Variants in NALF1 observed in about 807,000 individuals in gnomAD.
NALF1 encodes NALCN channel auxiliary factor 1, also known as family with sequence similarity 155 member A.
NALF1 carries 3 observed loss-of-function variants against 48.4 expected under a neutral mutation model. The ratio of observed to expected loss-of-function variants is 0.06; its 90% CI spans 0.03 to 0.16. The LOEUF is 0.16. NALF1 is among the 10% of genes least tolerant of loss of function. The probability of loss-of-function intolerance (pLI) is 1.00; values close to 1 mark genes in which losing one functional copy is unlikely to be tolerated. For missense variants in NALF1, 526 were observed against 571.5 expected, an observed-to-expected ratio of 0.92 and a Z score of 0.81; for synonymous variants, 262 against 245.7, an observed-to-expected ratio of 1.07 and a Z score of -0.62.
At chr13:107,862,085 G>C (rs972642585) in intron 1 of NALF1, among the ~76,000 whole-genome samples, 1 of 152,082 alleles carries the variant, frequency 6.6e-6, no homozygotes, top group African/African-American at 2.4e-5. Flanking sequence ...TATACTGAGA[G>C]AACTAAAGTA....
intron 1 of NALF1, among the ~76,000 whole-genome samples, chr13:107,540,886 G>C (rs767415755): frequency 6.6e-6 from 1 of 152,068 alleles, no homozygotes; most frequent in African/African-American, 2.4e-5. Flanking sequence ...AGTAGATTCT[G>C]CTTAAGAATC....
intron 1 of NALF1, among the ~76,000 whole-genome samples, chr13:107,560,791 C>G (rs1877623601): frequency 6.6e-6 from 1 of 152,168 alleles, no homozygotes; most frequent in Non-Finnish European, 1.5e-5. Context: ...TGTTAAGGCA[C>G]AGAAACCAAC....
intron 1 of NALF1, among the ~76,000 whole-genome samples, chr13:107,846,729 T>C (rs1880182771): frequency 6.6e-6 from 1 of 152,218 alleles, no homozygotes; most frequent in Admixed American, 6.5e-5. Flanking sequence ...TCCAGACTTC[T>C]ATTCATAAAA....
At chr13:107,618,271 A>ACT (rs1879432584) in intron 1 of NALF1, among the ~76,000 whole-genome samples, 9 of 152,228 alleles carry the variant, frequency 5.9e-5, no homozygotes, top group Admixed American at 5.9e-4. Context: ...GAAATTGCAA[A>ACT]CAGGAACTGT....
intron 2 of NALF1, among the ~76,000 whole-genome samples, chr13:107,201,168 C>CATCTATCT (rs10596555): frequency 1.1e-4 from 17 of 150,480 alleles, no homozygotes; most frequent in East Asian, 2.0e-4. Flanking sequence ...ATCTATCTAT[C>CATCTATCT]ATCTATCTAT....
chr13:107,282,120 C>T (rs140759478), intron 1 of NALF1, among the ~76,000 whole-genome samples: 32 of 152,276 alleles, frequency 2.1e-4, no homozygotes, highest in Admixed American at 5.2e-4. Context: ...GAAGGACATA[C>T]GCTTTCTGAG....
At chr13:107,411,172 G>A (rs987916217) in intron 1 of NALF1, among the ~76,000 whole-genome samples, 1 of 152,194 alleles carries the variant, frequency 6.6e-6, no homozygotes, top group Non-Finnish European at 1.5e-5. Context: ...ATGCAAATTC[G>A]AGGACATGTA....
intron 1 of NALF1, among the ~76,000 whole-genome samples, chr13:107,650,387 C>G (rs1274691732): frequency 4.9e-5 from 1 of 20,538 alleles, no homozygotes; most frequent in African/African-American, 1.4e-4. Flanking sequence ...GTAATCTCTG[C>G]AACCATTAAA....
chr13:107,268,877 C>T (rs1398080946), intron 1 of NALF1, among the ~76,000 whole-genome samples: 3 of 152,024 alleles, frequency 2.0e-5, no homozygotes, highest in East Asian at 3.9e-4. Context: ...TTTTTTAGGG[C>T]ATTAAAACCA....
chr13:107,755,687 T>C (rs911515131), intron 1 of NALF1, among the ~76,000 whole-genome samples: 6 of 152,014 alleles, frequency 3.9e-5, no homozygotes, highest in Non-Finnish European at 7.4e-5. Flanking sequence ...ATTCTACATA[T>C]GTTTGATTGC....
chr13:107,517,584 A>G lies in NALF1; in HGVS notation c.916-306829T>C, dbSNP rs554258360. On this transcript the variant is annotated intron_variant, in intron 1 of 2. Transcript: ENST00000375915. ...GAGGCGGAGGTTGCAATGAGCCAAG[A>G]TCGCGCCACTGCTGCACTCCAGCCT... Among the ~76,000 whole-genome samples, 176 of 152,200 alleles carry G rather than the reference A, an allele frequency of 1.2e-3. 1 individual carries two copies. Among genetic ancestry groups the G allele is most frequent in the Middle Eastern group, 3.4e-3 (1 of 294 alleles).
At chr13:107,638,396 T>A (rs1029535300) in intron 1 of NALF1, among the ~76,000 whole-genome samples, 26 of 151,696 alleles carry the variant, frequency 1.7e-4, no homozygotes, top group African/African-American at 6.3e-4. Context: ...GAAAGTATGA[T>A]TCATTCATTC....
At chr13:107,555,439 ATTTTT>A (rs34486058) in intron 1 of NALF1, among the ~76,000 whole-genome samples, 5 of 69,964 alleles carry the variant, frequency 7.1e-5, no homozygotes, top group African/African-American at 2.2e-4. Flanking sequence ...AGCCTGGCTA[ATTTTT>A]TTTTTTTTTT....
intron 1 of NALF1, among the ~76,000 whole-genome samples, chr13:107,219,080 C>T (rs141407206): frequency 2.6e-5 from 4 of 152,078 alleles, no homozygotes; most frequent in South Asian, 2.1e-4. Context: ...ATGTTAGTGA[C>T]GAAGATGGTG....
chr13:107,176,448 C>G (rs1166252854), intron 2 of NALF1, among the ~76,000 whole-genome samples: 1 of 151,556 alleles, frequency 6.6e-6, no homozygotes, highest in African/African-American at 2.4e-5. Context: ...CGAGACCATC[C>G]TGGCTAACAC....
intron 1 of NALF1, among the ~76,000 whole-genome samples, chr13:107,711,398 C>T (rs74112578): frequency 0.016 from 2,459 of 152,336 alleles, 72 homozygotes; most frequent in African/African-American, 0.057. Context: ...TGCAGTGACG[C>T]AATCTCAGCT....
At chr13:107,824,355 G>A (rs956336400) in intron 1 of NALF1, among the ~76,000 whole-genome samples, 1 of 152,138 alleles carries the variant, frequency 6.6e-6, no homozygotes, top group Admixed American at 6.5e-5. Flanking sequence ...TTTGTGGAAG[G>A]AGGAAATTAA....
chr13:107,472,994 T>C (rs1385177781), intron 1 of NALF1, among the ~76,000 whole-genome samples: 2 of 152,196 alleles, frequency 1.3e-5, no homozygotes, highest in Non-Finnish European at 2.9e-5. Flanking sequence ...GTCTTTTCTA[T>C]TCCCAAGCAC....
At chr13:107,523,978 C>T (rs1876343410) in intron 1 of NALF1, among the ~76,000 whole-genome samples, 1 of 151,902 alleles carries the variant, frequency 6.6e-6, no homozygotes, top group African/African-American at 2.4e-5. Context: ...ATGGAGTTAC[C>T]TTTAATTTGT....
Sources: allele counts gnomAD v4.1 joint callset (sites outside exome capture counted in the v4.1 genomes callset), GRCh38; gene constraint gnomAD v4.1.1; transcripts MANE v1.5; gene names NCBI Gene and HGNC (gene_info 2026-07-23, HGNC 2026-07-21).